The following MRPL19 variants were observed in gnomAD, a reference collection of about 807,000 sequenced individuals.
MRPL19 encodes the protein large ribosomal subunit protein bL19m.
Under a neutral mutation model 34.0 loss-of-function variants are expected in MRPL19, and 31 were observed. That is an observed-to-expected ratio of 0.91 (90% confidence interval 0.68 to 1.23). MRPL19 has a LOEUF of 1.23. MRPL19 is among the 50% of genes most tolerant of loss of function. The pLI, the probability that MRPL19 is intolerant of heterozygous loss-of-function variation, is 0.00. For missense variants in MRPL19, 384 were observed against 367.6 expected (o/e 1.04, Z -0.37); for synonymous variants, 152 against 127.7 (o/e 1.19, Z -1.28).
Position 75,655,273 on chromosome 2 carries a change from GA to G in MRPL19, c.871del (p.Arg291GlyfsTer10). On this transcript the variant is annotated frameshift_variant, in exon 6 of 6. Transcript: ENST00000393909. LOFTEE classifies it high-confidence loss of function. ...CAATATGGAAGGAAATTGAAGCGTC[GA>G]AAAGGTCTTGATTCTGAGAATGAAT... ...AAIWKEIEAS[K>X]RS 6.2e-7 allele frequency: 1 copy of G among 1,611,676 alleles called. No individual in the cohort carries two copies. The highest frequency in any genetic ancestry group is 8.5e-7 in the Non-Finnish European group (1 of 1,178,684).
rs562052660 is a variant in MRPL19, at chr2:75,658,605, T to G, written c.*3320T>G. ...CTGGTTGAGTGTGTTAATTTCTACATGTTTATGAATTTCCCACTGTTTTTT... is the reference window on the plus strand; with the variant it reads ...CTGGTTGAGTGTGTTAATTTCTACAGGTTTATGAATTTCCCACTGTTTTTT... On this transcript the variant is annotated 3_prime_UTR_variant, in exon 6 of 6. Transcript: ENST00000393909. 6.6e-6 allele frequency among the ~76,000 whole-genome samples: 1 copy of G among 152,310 alleles called. No individual in the cohort carries two copies. The highest frequency in any genetic ancestry group is 2.4e-5 in the African/African-American group (1 of 41,580).
At position 75,659,989 on chromosome 2, in the gene MRPL19, T is replaced by C. The variant is rs1294871890; in HGVS notation, c.*4704T>C. Among the ~76,000 whole-genome samples the C allele has an allele frequency of 6.6e-6, 1 of 152,196 alleles. No homozygotes were observed. Among genetic ancestry groups the C allele is most frequent in the Non-Finnish European group, 1.5e-5 (1 of 68,020 alleles). On this transcript the variant is annotated 3_prime_UTR_variant, in exon 6 of 6. Coordinates refer to ENST00000393909, the MANE Select transcript of MRPL19 (RefSeq NM_014763.4). ...TCTTTCTTTTCCTTCTGAAATATTCTTAATGTATATGTTGGTCTGTTTGAT... is the reference window on the plus strand; with the variant it reads ...TCTTTCTTTTCCTTCTGAAATATTCCTAATGTATATGTTGGTCTGTTTGAT...
intron 4 of MRPL19, among the ~76,000 whole-genome samples, chr2:75,653,399 A>G (rs551560306): frequency 6.6e-6 from 1 of 152,350 alleles, no homozygotes; most frequent in East Asian, 1.9e-4. Flanking sequence ...GCCTTGTAAT[A>G]GAAGTAAATG....
chr2:75,655,510 C>A lies in MRPL19; in HGVS notation c.*225C>A. On this transcript the variant is annotated 3_prime_UTR_variant, in exon 6 of 6. Coordinates refer to ENST00000393909, the MANE Select transcript of MRPL19 (RefSeq NM_014763.4). ...CCAATGTCCATTTGCTTATTGGAGG[C>A]AAAGCTACAATAGAAGTCAGAGCAT... is the stretch of plus-strand genomic sequence containing the variant. 7.4e-6 allele frequency: 3 copies of A among 402,996 alleles called. No homozygotes were observed. Among genetic ancestry groups the A allele is most frequent in the Non-Finnish European group, 8.8e-6 (2 of 227,204 alleles). 25.0% of individuals were successfully genotyped at this position (402,996 alleles called of 1,614,324 possible).
In MRPL19 at chr2:75,661,776, GT is replaced by G. The variant is rs1265568490; in HGVS notation, c.*6492del. The stretch of plus-strand genomic sequence containing the variant: ...GGCCTCAAACGATCCTCCCAGCTCA[GT>G]CTCACAAAGTGTTGGGATGTCTGGC... On this transcript the variant is annotated 3_prime_UTR_variant, in exon 6 of 6. Coordinates refer to ENST00000393909, the MANE Select transcript of MRPL19 (RefSeq NM_014763.4). The G allele has an allele frequency of 6.6e-6, 1 of 152,222 alleles. No homozygotes were observed. Among genetic ancestry groups the G allele is most frequent in the African/African-American group, 2.4e-5 (1 of 41,434 alleles). The allele number at this position is 152,222 out of a possible 1,614,324, so 9.4% of individuals were successfully genotyped here.
At position 75,646,795 on chromosome 2, in the gene MRPL19, T is replaced by C; in HGVS notation, c.-13T>C. On this transcript the variant is annotated 5_prime_UTR_variant, in exon 1 of 6. Transcript: ENST00000393909. ...ATTACTGGGAGCTGTAGTCTTGACG[T>C]GAGCTAGCTGGCATGGCGGCCTGCA... The C allele has an allele frequency of 6.7e-7, 1 of 1,493,614 alleles. No individual in the cohort carries two copies. The allele number at this position is 1,493,614 out of a possible 1,614,324, so 92.5% of individuals were successfully genotyped here.
Position 75,657,181 on chromosome 2 carries a change from C to G in MRPL19, c.*1896C>G, listed in dbSNP as rs1177903773. 1 of 151,826 alleles carries G rather than the reference C, an allele frequency of 6.6e-6. No individual in the cohort carries two copies. Among genetic ancestry groups the G allele is most frequent in the African/African-American group, 2.4e-5 (1 of 41,340 alleles). 9.4% of individuals were successfully genotyped at this position (151,826 alleles called of 1,614,324 possible). A position where few individuals can be genotyped will look rare whatever the true frequency, so the allele number is the denominator to read the frequency against. On this transcript the variant is annotated 3_prime_UTR_variant, in exon 6 of 6. Transcript: ENST00000393909. ...TATATTTCAGACTTTTCCAGGATAT[C>G]TGATAATCTTTGGCTGTCTTCTTAT...
rs1242966898 is a variant in MRPL19 at position 75,657,127 on chromosome 2, ATTTC to A, written c.*1848_*1851del. ...TTGTTTGCGCATCTATTTCCTCCAAATTTCTTTCTGTATTTATTTTTTGTTGTCT... is the reference window on the plus strand; with the variant it reads ...TTGTTTGCGCATCTATTTCCTCCAAATTTCTGTATTTATTTTTTGTTGTCT... On this transcript the variant is annotated 3_prime_UTR_variant, in exon 6 of 6. Coordinates refer to ENST00000393909, the MANE Select transcript of MRPL19 (RefSeq NM_014763.4). The A allele has an allele frequency of 6.6e-6, 1 of 151,450 alleles. No individual in the cohort carries two copies. The highest frequency in any genetic ancestry group is 6.6e-5 in the Admixed American group (1 of 15,202). The allele number at this position is 151,450 out of a possible 1,614,324, so 9.4% of individuals were successfully genotyped here.
Position 75,657,795 on chromosome 2 carries a change from T to G in MRPL19, c.*2510T>G, listed in dbSNP as rs1344476451. 1 of 152,044 alleles carries G rather than the reference T, an allele frequency of 6.6e-6. No homozygotes were observed. The highest frequency in any genetic ancestry group is 2.4e-5 in the African/African-American group (1 of 41,416). The allele number at this position is 152,044 out of a possible 1,614,324, so 9.4% of individuals were successfully genotyped here. On this transcript the variant is annotated 3_prime_UTR_variant, in exon 6 of 6. Transcript: ENST00000393909. The stretch of plus-strand genomic sequence containing the variant: ...TGTAGGAATATCTTTAAAATTCTTG[T>G]GAATTTTTCCCCAGAAGTAAAGCAA...
chr2:75,653,204 A>G (rs1340342593), intron 4 of MRPL19, among the ~76,000 whole-genome samples: 4 of 152,234 alleles, frequency 2.6e-5, no homozygotes, highest in African/African-American at 9.6e-5. Context: ...GGCAGGAACA[A>G]TTACGTTTAT....
chr2:75,655,053 A>ATTTTT lies in MRPL19; in HGVS notation c.658-10_658-9insTTTTT. 1 of 1,302,036 alleles carries ATTTTT rather than the reference A, an allele frequency of 7.7e-7. No individual in the cohort carries two copies. The allele number at this position is 1,302,036 out of a possible 1,614,324, so 80.7% of individuals were successfully genotyped here. On this transcript the variant is annotated splice_polypyrimidine_tract_variant and intron_variant, in intron 5 of 5. Transcript: ENST00000393909. Reference sequence around the variant, plus strand: ...TGCTTTTTTTTTTTTTTTTTTTTTAATCTTCCTTAGCTGAAAGTAAAAATG... The same window carrying ATTTTT: ...TGCTTTTTTTTTTTTTTTTTTTTTAATTTTTTCTTCCTTAGCTGAAAGTAAAAATG...
rs1226176240 is a variant in MRPL19, at chr2:75,656,493, G to C, written c.*1208G>C. 3 of 152,068 alleles carry C rather than the reference G, an allele frequency of 2.0e-5. No homozygotes were observed. The highest frequency in any genetic ancestry group is 4.8e-5 in the African/African-American group (2 of 41,378). The allele number at this position is 152,068 out of a possible 1,614,324, so 9.4% of individuals were successfully genotyped here. On this transcript the variant is annotated 3_prime_UTR_variant, in exon 6 of 6. Coordinates refer to ENST00000393909, the MANE Select transcript of MRPL19 (RefSeq NM_014763.4). ...TTTCCATTTTATTGAGTACTAACTT[G>C]TTTTGCTGCAGCACATCCTTTGGTA...
In MRPL19 at chr2:75,647,227, A is replaced by ACTGCCCTGGCGCTAGGCC; in HGVS notation, c.221+9_221+26dup. The ACTGCCCTGGCGCTAGGCC allele has an allele frequency of 6.3e-7, 1 of 1,574,894 alleles. No individual in the cohort carries two copies. The highest frequency in any genetic ancestry group is 8.6e-7 in the Non-Finnish European group (1 of 1,159,980). ...CGTGGAACCGGAACGCAGGTGAGGC[A>ACTGCCCTGGCGCTAGGCC]CTGCCCTGGCGCTAGGCCGGCAACT... On this transcript the variant is annotated intron_variant, in intron 2 of 5. Coordinates refer to ENST00000393909, the MANE Select transcript of MRPL19 (RefSeq NM_014763.4).
At position 75,656,993 on chromosome 2, in the gene MRPL19, CCTT is replaced by C. The variant is rs1678469434; in HGVS notation, c.*1712_*1714del. On this transcript the variant is annotated 3_prime_UTR_variant, in exon 6 of 6. Transcript: ENST00000393909. ...TATTGTATTTTAAAATCTTAAGACC[CCTT>C]CTTGATTTGTAGAAGTTCCTTTTCT... 1 of 152,060 alleles carries C rather than the reference CCTT, an allele frequency of 6.6e-6. No homozygotes were observed. The highest frequency in any genetic ancestry group is 1.5e-5 in the Non-Finnish European group (1 of 67,990). 9.4% of individuals were successfully genotyped at this position (152,060 alleles called of 1,614,324 possible).
chr2:75,654,925 T>A lies in MRPL19; in HGVS notation c.657+8T>A, dbSNP rs1241801085. On this transcript the variant is annotated splice_region_variant and intron_variant, in intron 5 of 5. Coordinates refer to ENST00000393909, the MANE Select transcript of MRPL19 (RefSeq NM_014763.4). ...AAAGTTCCTGTTAATGAGGTATGGG[T>A]TATACATTTGAAACTAGAAGTTCAA... 1.9e-6 allele frequency: 3 copies of A among 1,587,562 alleles called. No homozygotes were observed. Among genetic ancestry groups the A allele is most frequent in the Admixed American group, 1.9e-5 (1 of 53,584 alleles).
chr2:75,649,483 T>C (rs947094286), intron 2 of MRPL19, among the ~76,000 whole-genome samples: 2 of 152,172 alleles, frequency 1.3e-5, no homozygotes, highest in Non-Finnish European at 2.9e-5. Flanking sequence ...ATTCCTCCAG[T>C]GTGTCCCAGG....
intron 2 of MRPL19, among the ~76,000 whole-genome samples, chr2:75,650,826 C>A (rs1475291327): frequency 6.6e-6 from 1 of 152,150 alleles, no homozygotes; most frequent in South Asian, 2.1e-4. Context: ...AGGGATACTG[C>A]TGTGCCAGGT....
rs1678575784 is a variant in MRPL19, at chr2:75,660,230, T to C, written c.*4945T>C. ...TATAACGTCTGTGTCTTTATTGATATTCTCATTTTGTTCATATGTCTCTTT... is the reference window on the plus strand; with the variant it reads ...TATAACGTCTGTGTCTTTATTGATACTCTCATTTTGTTCATATGTCTCTTT... On this transcript the variant is annotated 3_prime_UTR_variant, in exon 6 of 6. Transcript: ENST00000393909. Among the ~76,000 whole-genome samples, 1 of 152,182 alleles carries C rather than the reference T, an allele frequency of 6.6e-6. No homozygotes were observed. The highest frequency in any genetic ancestry group is 2.4e-5 in the African/African-American group (1 of 41,452).
chr2:75,646,985 T>C, intron 1 of MRPL19, 75 bp downstream of exon 1: 1 of 1,487,498 alleles, frequency 6.7e-7, no homozygotes, highest in South Asian at 1.3e-5. Context: ...AACCTGGAGA[T>C]CAGAGGCAAC....
Sources: allele counts gnomAD v4.1 joint callset (sites outside exome capture counted in the v4.1 genomes callset), GRCh38; gene constraint gnomAD v4.1.1; transcripts MANE v1.5; gene names NCBI Gene and HGNC (gene_info 2026-07-23, HGNC 2026-07-21).